The following MED13L variants were observed in gnomAD, a reference collection of about 807,000 sequenced individuals.
MED13L encodes the protein mediator of RNA polymerase II transcription subunit 13-like.
MED13L carries 7 observed loss-of-function variants against 220.9 expected under a neutral mutation model. That is an observed-to-expected ratio of 0.03 (90% CI 0.02 to 0.06). The LOEUF is 0.06. Ranked by LOEUF, MED13L falls within the 10% of genes least tolerant of loss-of-function variation. The probability of loss-of-function intolerance (pLI) is 1.00; values close to 1 mark genes in which losing one functional copy is unlikely to be tolerated. For missense variants in MED13L, 1,965 were observed against 2,760.5 expected (o/e 0.71, Z 6.46); for synonymous variants, 1,011 against 1,015.2 (o/e 1.00, Z 0.08).
At chr12:116,124,122 A>ATGAGAGAGAGAGAGAG in intron 2 of MED13L, among the ~76,000 whole-genome samples, 1 of 91,224 alleles carries the variant, frequency 1.1e-5, no homozygotes. Flanking sequence ...AGAGAGAAAG[A>ATGAGAGAGAGAGAGAG]CGAGAGAGAG....
chr12:116,194,322 C>T (rs1307003212), intron 2 of MED13L, among the ~76,000 whole-genome samples: 11 of 152,034 alleles, frequency 7.2e-5, no homozygotes, highest in Non-Finnish European at 1.2e-4. Flanking sequence ...TGCACCACCA[C>T]GCCCAGCTAA....
chr12:116,204,850 G>A (rs543320817), intron 2 of MED13L, among the ~76,000 whole-genome samples: 1 of 152,156 alleles, frequency 6.6e-6, no homozygotes, highest in East Asian at 1.9e-4. Context: ...TTCAGAATTG[G>A]CAAAGAATAA....
chr12:116,184,594 A>G (rs976637175), intron 2 of MED13L, among the ~76,000 whole-genome samples: 5 of 152,212 alleles, frequency 3.3e-5, no homozygotes, highest in African/African-American at 1.2e-4. Flanking sequence ...TAAATCATTT[A>G]TCCAACCTAG....
chr12:116,052,923 G>C (rs1868627870), intron 4 of MED13L, among the ~76,000 whole-genome samples: 1 of 152,180 alleles, frequency 6.6e-6, no homozygotes, highest in Admixed American at 6.5e-5. Context: ...CAGTAAAACT[G>C]ATGGGCAACA....
chr12:116,244,205 T>G (rs549709292), intron 1 of MED13L, among the ~76,000 whole-genome samples: 3 of 152,036 alleles, frequency 2.0e-5, no homozygotes, highest in African/African-American at 4.8e-5. Flanking sequence ...TGCAGTAGAG[T>G]AGGTTAATAC....
At chr12:116,161,068 A>G (rs183126005) in intron 2 of MED13L, among the ~76,000 whole-genome samples, 238 of 152,258 alleles carry the variant, frequency 1.6e-3, no homozygotes, top group African/African-American at 5.1e-3. Context: ...ATTTTACATC[A>G]TCCCAGGTCA....
intron 4 of MED13L, among the ~76,000 whole-genome samples, chr12:116,035,170 TAAA>T (rs1018473466): frequency 1.3e-5 from 2 of 151,930 alleles, no homozygotes; most frequent in Admixed American, 6.6e-5. Flanking sequence ...GCAAACTACA[TAAA>T]AACCTTCAAA....
At chr12:116,156,876 C>T (rs1878483330) in intron 2 of MED13L, among the ~76,000 whole-genome samples, 1 of 152,078 alleles carries the variant, frequency 6.6e-6, no homozygotes, top group African/African-American at 2.4e-5. Context: ...GGCTCCAAGG[C>T]TGGAGTACAA....
chr12:116,089,378 A>G (rs1350328377), intron 4 of MED13L, among the ~76,000 whole-genome samples: 1 of 152,212 alleles, frequency 6.6e-6, no homozygotes, highest in Non-Finnish European at 1.5e-5. Context: ...AGTCTTGACT[A>G]TAATAATATA....
intron 2 of MED13L, 110 bp from the exon 3 acceptor site, chr12:116,111,622 T>C (rs1874098367): frequency 1.3e-6 from 1 of 790,370 alleles, no homozygotes; most frequent in Non-Finnish European, 2.0e-6. Context: ...TTAATTTAAA[T>C]GACTTAAATA....
intron 1 of MED13L, among the ~76,000 whole-genome samples, chr12:116,238,063 CAAGT>C (rs1250267395): frequency 6.6e-6 from 1 of 152,096 alleles, no homozygotes; most frequent in Non-Finnish European, 1.5e-5. Flanking sequence ...ATTTAGAAAT[CAAGT>C]AAGATTTTAA....
At position 116,026,333 on chromosome 12, in the gene MED13L, C is replaced by T. The variant is rs577373663; in HGVS notation, c.480-3732G>A. On this transcript the variant is annotated intron_variant, in intron 4 of 30. Transcript: ENST00000281928. ...AAGCATAAATAAAAAAGATTAAAAT[C>T]GAATCAAGGATCTTTTATATTGATA... Among the ~76,000 whole-genome samples the T allele has an allele frequency of 1.2e-4, 18 of 152,100 alleles. No homozygotes were observed. In the South Asian group the frequency reaches 1.2e-3, roughly 11 times the overall value.
At position 115,991,155 on chromosome 12, in the gene MED13L, C is replaced by T. The variant is rs1359081108; in HGVS notation, c.3799G>A (p.Asp1267Asn). 6.2e-7 allele frequency: 1 copy of T among 1,614,206 alleles called. No homozygotes were observed. Among genetic ancestry groups the T allele is most frequent in the East Asian group, 2.2e-5 (1 of 44,868 alleles). ...CATTCCGTCCAGTAATCATTATTAT[C>T]TGCTTGCACCCGGTCATAACTCCAG... ...VSWSYDRVQA[D>N]NNDYWTECFN... The change falls in exon 17 of 31, where the codon GAT becomes AAT. Residue 1267 changes from aspartate (D) to asparagine (N), a missense_variant. Transcript: ENST00000281928. The surrounding 1 kb of genome is among the most constrained non-coding windows in gnomAD (Gnocchi z 7.7).
intron 1 of MED13L, among the ~76,000 whole-genome samples, chr12:116,270,127 T>A (rs937045848): frequency 6.6e-6 from 1 of 151,976 alleles, no homozygotes; most frequent in African/African-American, 2.4e-5. Context: ...GGATAAAATC[T>A]ATTCTATACC....
At chr12:116,001,644 G>A (rs907962232) in intron 14 of MED13L, among the ~76,000 whole-genome samples, 2 of 152,056 alleles carry the variant, frequency 1.3e-5, no homozygotes, top group African/African-American at 2.4e-5. Flanking sequence ...ATGCTCTCAC[G>A]AACACATATT....
chr12:116,121,985 A>G (rs1052678294), intron 2 of MED13L, among the ~76,000 whole-genome samples: 1 of 152,206 alleles, frequency 6.6e-6, no homozygotes, highest in Non-Finnish European at 1.5e-5. Context: ...TTTCCCAGTT[A>G]GATTTCAGTA....
At chr12:116,272,610 T>C (rs1873469296) in intron 1 of MED13L, among the ~76,000 whole-genome samples, 1 of 151,858 alleles carries the variant, frequency 6.6e-6, no homozygotes, top group South Asian at 2.1e-4. Context: ...CTGGCATAAA[T>C]TCAATAAATA....
chr12:116,083,405 A>G (rs887644063), intron 4 of MED13L, among the ~76,000 whole-genome samples: 173 of 42,900 alleles, frequency 4.0e-3, no homozygotes, highest in African/African-American at 0.034. Flanking sequence ...GTCTCGAGGG[A>G]AAAAAAAAAA....
chr12:116,005,725 A>T lies in MED13L; in HGVS notation c.2469+144T>A. 3.7e-6 allele frequency: 4 copies of T among 1,080,318 alleles called. No homozygotes were observed. In the South Asian group the frequency reaches 3.9e-5, roughly 11 times the overall value. 66.9% of individuals were successfully genotyped at this position (1,080,318 alleles called of 1,614,324 possible). On this transcript the variant is annotated intron_variant, in intron 13 of 30. Transcript: ENST00000281928. ...TTATACAGCATGACTAGATTCCAGT[A>T]TACAGACATTTATAAAGAACATTCA...
Sources: allele counts gnomAD v4.1 joint callset (sites outside exome capture counted in the v4.1 genomes callset), GRCh38; gene constraint gnomAD v4.1.1; non-coding constraint Gnocchi (gnomAD v3.1); transcripts MANE v1.5; gene names NCBI Gene and HGNC (gene_info 2026-07-23, HGNC 2026-07-21).